The following CHRNA7 variants were observed in gnomAD, a reference collection of about 807,000 sequenced individuals.
CHRNA7 encodes cholinergic receptor nicotinic alpha 7 subunit, also known as neuronal acetylcholine receptor subunit alpha-7.
A neutral mutation model predicts 48.0 loss-of-function variants in CHRNA7; 17 were observed. The observed-to-expected ratio is 0.35, with a 90% CI of 0.24 to 0.53. The LOEUF is 0.53. Among genes scored for constraint, CHRNA7 ranks in the 20% least tolerant of loss-of-function variants. The pLI is 0.92. For synonymous variants in CHRNA7, 75 were observed against 242.3 expected (o/e 0.31, Z 6.41); for missense variants, 155 against 577.7 (o/e 0.27, Z 7.50).
intron 2 of CHRNA7, among the ~76,000 whole-genome samples, chr15:32,097,575 GTGAGAAACAAAC>G (rs2050493502): frequency 6.6e-6 from 1 of 152,210 alleles, no homozygotes. Flanking sequence ...CGCCAGAACT[GTGAGAAACAAAC>G]TTCTATTTTT....
chr15:32,123,562 T>C (rs1466247675), intron 4 of CHRNA7, among the ~76,000 whole-genome samples: 2 of 152,188 alleles, frequency 1.3e-5, no homozygotes, highest in Admixed American at 6.5e-5. Context: ...AGCTTACTTA[T>C]CAGACTACAG....
intron 9 of CHRNA7, 41 bp downstream of exon 9, chr15:32,163,376 T>C: frequency 1.7e-6 from 1 of 597,082 alleles, no homozygotes. Flanking sequence ...AGCCCCCCTG[T>C]AAAGGAGGCT....
At chr15:32,108,609 T>C (rs569422710) in intron 3 of CHRNA7, among the ~76,000 whole-genome samples, 44 of 152,198 alleles carry the variant, frequency 2.9e-4, no homozygotes, top group Non-Finnish European at 5.6e-4. Flanking sequence ...GGCTCAGGAT[T>C]GTGGACCTGG....
At chr15:32,038,182 CAT>C (rs140690727) in intron 2 of CHRNA7, among the ~76,000 whole-genome samples, 5 of 147,396 alleles carry the variant, frequency 3.4e-5, no homozygotes, top group African/African-American at 1.2e-4. Context: ...TTTATATAAA[CAT>C]ATTTTGTATA....
intron 2 of CHRNA7, among the ~76,000 whole-genome samples, chr15:32,048,287 A>G (rs534436445): frequency 2.6e-5 from 4 of 152,188 alleles, no homozygotes; most frequent in African/African-American, 9.6e-5. Context: ...TCGGCTGTGA[A>G]TCCATCTGGT....
chr15:32,147,629 A>T (rs781734462), intron 4 of CHRNA7, among the ~76,000 whole-genome samples: 1 of 152,056 alleles, frequency 6.6e-6, no homozygotes, highest in Non-Finnish European at 1.5e-5. Context: ...TCTTGAATGC[A>T]TTTTTCTGGA....
In CHRNA7 at chr15:32,030,992, A is replaced by C. The variant is rs752564344; in HGVS notation, c.150A>C (p.Pro50=). Residue 50 remains proline, a synonymous_variant, in exon 2 of 10, where the codon CCA becomes CCC. Transcript: ENST00000306901. ...LERPVANDSQ[P]LTVYFSLSLL... ...GGCCCGTGGCCAATGACTCGCAACC[A>C]CTCACCGTCTACTTCTCCCTGAGCC... 1.2e-6 allele frequency: 2 copies of C among 1,614,040 alleles called. No homozygotes were observed. The highest frequency in any genetic ancestry group is 1.7e-6 in the Non-Finnish European group (2 of 1,179,982).
chr15:32,061,499 C>T (rs970302517), intron 2 of CHRNA7, among the ~76,000 whole-genome samples: 1 of 152,112 alleles, frequency 6.6e-6, no homozygotes, highest in African/African-American at 2.4e-5. Context: ...TTTGAATTCA[C>T]AAGAACAACA....
intron 4 of CHRNA7, among the ~76,000 whole-genome samples, chr15:32,145,400 A>G (rs779625673): frequency 3.7e-4 from 56 of 152,308 alleles, no homozygotes; most frequent in Non-Finnish European, 4.9e-4. Context: ...GAGGCAGTCT[A>G]TCCATTCTCA....
At chr15:32,036,080 C>G (rs532453611) in intron 2 of CHRNA7, among the ~76,000 whole-genome samples, 1 of 152,276 alleles carries the variant, frequency 6.6e-6, no homozygotes, top group South Asian at 2.1e-4. Flanking sequence ...TTGTGCTCTC[C>G]CTGCTTATCA....
At position 32,048,207 on chromosome 15, in the gene CHRNA7, C is replaced by G. The variant is rs150176352; in HGVS notation, c.195+17170C>G. Among the ~76,000 whole-genome samples, 1,228 of 152,300 alleles carry G rather than the reference C, an allele frequency of 8.1e-3. 11 individuals carry two copies. The highest frequency in any genetic ancestry group is 0.021 in the South Asian group (100 of 4,814). ...TCATGAAATGAGTTAGGGAGATTCC[C>G]TCTTTTTCTGTTGATTGGAATAGTT... On this transcript the variant is annotated intron_variant, in intron 2 of 9. Coordinates refer to ENST00000306901, the MANE Select transcript of CHRNA7 (RefSeq NM_000746.6).
intron 3 of CHRNA7, among the ~76,000 whole-genome samples, chr15:32,107,926 G>T (rs950284499): frequency 3.3e-5 from 5 of 152,170 alleles, no homozygotes; most frequent in African/African-American, 1.2e-4. Context: ...AAGGGGCTCT[G>T]TATGAATCAC....
Position 32,168,764 on chromosome 15 carries a change from T to TAC in CHRNA7, c.*306_*307insAC. ...GGAAAGCCCTTCGGAGAGCTCCCCA[T>TAC]GGCTCCTCACCACCGAGACAGTTGG... On this transcript the variant is annotated 3_prime_UTR_variant, in exon 10 of 10. Transcript: ENST00000306901. 11 of 37,508 alleles carry TAC rather than the reference T, an allele frequency of 2.9e-4. No individual in the cohort carries two copies. Among genetic ancestry groups the TAC allele is most frequent in the Non-Finnish European group, 3.9e-4 (8 of 20,418 alleles). The allele number at this position is 37,508 out of a possible 1,614,324, so 2.3% of individuals were successfully genotyped here.
intron 4 of CHRNA7, among the ~76,000 whole-genome samples, chr15:32,125,563 G>A (rs1037853341): frequency 1.3e-5 from 2 of 152,104 alleles, no homozygotes; most frequent in Non-Finnish European, 2.9e-5. Context: ...GGGGACAATC[G>A]GAAAGAGCTT....
intron 4 of CHRNA7, among the ~76,000 whole-genome samples, chr15:32,151,885 A>G (rs954525778): frequency 3.3e-5 from 5 of 152,126 alleles, no homozygotes; most frequent in African/African-American, 1.2e-4. Context: ...CCCTTGAGAA[A>G]TCTCAGACAT....
intron 3 of CHRNA7, among the ~76,000 whole-genome samples, chr15:32,110,465 C>T (rs2050744894): frequency 6.6e-6 from 1 of 152,194 alleles, no homozygotes; most frequent in Admixed American, 6.5e-5. Flanking sequence ...CCTGGAGGTC[C>T]CTGGCTGCAA....
At chr15:32,120,040 C>T (rs1313124372) in intron 4 of CHRNA7, among the ~76,000 whole-genome samples, 1 of 152,214 alleles carries the variant, frequency 6.6e-6, no homozygotes, top group South Asian at 2.1e-4. Context: ...CTTTACTGGG[C>T]ACTCGCCCAG....
In CHRNA7 at chr15:32,039,960, T is replaced by C. The variant is rs181947799; in HGVS notation, c.195+8923T>C. Among the ~76,000 whole-genome samples the C allele has an allele frequency of 5.3e-5, 8 of 152,284 alleles. No homozygotes were observed. In the East Asian group the frequency reaches 5.8e-4, roughly 11 times the overall value. ...GGCATATACACATTAAGGACTGTTA[T>C]GTCTTTTTGTAGAACTGGTCTTTTT... On this transcript the variant is annotated intron_variant, in intron 2 of 9. Coordinates refer to ENST00000306901, the MANE Select transcript of CHRNA7 (RefSeq NM_000746.6).
chr15:32,154,967 ACCACT>A (rs1468129743), intron 5 of CHRNA7, among the ~76,000 whole-genome samples: 1 of 20,918 alleles, frequency 4.8e-5, no homozygotes, highest in Non-Finnish European at 9.2e-5. Context: ...ACACTCACAC[ACCACT>A]CACACAAATA....
Sources: gnomAD v4.1 joint callset for allele counts (sites outside exome capture counted in the v4.1 genomes callset) on GRCh38, gnomAD v4.1.1 for gene constraint, MANE v1.5 for transcripts, NCBI Gene and HGNC (gene_info 2026-07-23, HGNC 2026-07-21) for gene names.